The following RNF44 variants were observed in gnomAD, a reference collection of about 807,000 sequenced individuals.
RNF44 encodes ring finger protein 44.
RNF44 carries 25 observed loss-of-function variants against 53.6 expected under a neutral mutation model. The ratio of observed to expected loss-of-function variants is 0.47; its 90% CI spans 0.34 to 0.65. The LOEUF is 0.65. Ranked by LOEUF, RNF44 falls within the 30% of genes least tolerant of loss-of-function variation. The probability of loss-of-function intolerance (pLI) is 0.01; values close to 1 mark genes in which losing one functional copy is unlikely to be tolerated. For synonymous variants in RNF44, 282 were observed against 252.2 expected (o/e 1.12, Z -1.12); for missense variants, 581 against 595.5 (o/e 0.98, Z 0.25).
intron 1 of RNF44, among the ~76,000 whole-genome samples, chr5:176,534,746 C>A (rs1210716351): frequency 6.6e-6 from 1 of 152,236 alleles, no homozygotes; most frequent in Non-Finnish European, 1.5e-5. Flanking sequence ...CCGGCGCCAA[C>A]TTGGTGAGTC....
Position 176,531,923 on chromosome 5 carries a change from A to C in RNF44, c.297+81T>G. On this transcript the variant is annotated intron_variant, in intron 3 of 10. Coordinates refer to ENST00000274811, the MANE Select transcript of RNF44 (RefSeq NM_014901.5). The surrounding 1 kb of genome is among the most constrained non-coding windows in gnomAD (Gnocchi z 4.2). ...CCTGGAACGTGAAATGAAGCAAGCT[A>C]GGTGAAATCTAGGCCTTGCTGCCTC... The C allele has an allele frequency of 1.4e-6, 2 of 1,391,544 alleles. No individual in the cohort carries two copies. The highest frequency in any genetic ancestry group is 9.8e-7 in the Non-Finnish European group (1 of 1,024,592). 86.2% of individuals were successfully genotyped at this position (1,391,544 alleles called of 1,614,324 possible).
intron 2 of RNF44, 82 bp downstream of exon 2, chr5:176,532,284 G>A (rs1164754250): frequency 6.6e-7 from 1 of 1,519,998 alleles, no homozygotes; most frequent in Middle Eastern, 2.3e-4. Flanking sequence ...CCCCCATGGG[G>A]AGGGAAGGCA....
intron 1 of RNF44, among the ~76,000 whole-genome samples, chr5:176,532,731 A>G (rs371673982): frequency 9.0e-6 from 1 of 110,554 alleles, no homozygotes; most frequent in East Asian, 2.8e-4. Context: ...CTGGTGACAG[A>G]GCGAGACTCC....
chr5:176,539,400 C>G (rs1438175956), upstream of RNF44, among the ~76,000 whole-genome samples: 1 of 152,204 alleles, frequency 6.6e-6, no homozygotes, highest in African/African-American at 2.4e-5. Context: ...TTTGAAAACC[C>G]TCCCCATGGC....
At chr5:176,537,909 T>C (rs1035665771), upstream of RNF44, 4 of 152,162 alleles carry the variant, frequency 2.6e-5, no homozygotes, top group Admixed American at 2.6e-4. Flanking sequence ...GCTGACATCA[T>C]GGCCCGGCCG....
chr5:176,538,368 T>G (rs1208875835), upstream of RNF44, among the ~76,000 whole-genome samples: 1 of 152,190 alleles, frequency 6.6e-6, no homozygotes, highest in African/African-American at 2.4e-5. Context: ...CAACTAGAAG[T>G]GTGGCGGAGC....
chr5:176,529,915 C>T (rs1404718407), intron 7 of RNF44, 97 bp from the exon 8 acceptor site: 78 of 1,404,098 alleles, frequency 5.6e-5, no homozygotes, highest in Non-Finnish European at 6.9e-5. Context: ...GAGCCCAGAA[C>T]GTTGCAGCGG....
In RNF44 at chr5:176,530,592, G is replaced by T. The variant is rs1756559078; in HGVS notation, c.791C>A (p.Ser264Tyr). 6.8e-7 allele frequency: 1 copy of T among 1,476,730 alleles called. No homozygotes were observed. Among genetic ancestry groups the T allele is most frequent in the Non-Finnish European group, 8.9e-7 (1 of 1,119,098 alleles). 91.5% of individuals were successfully genotyped at this position (1,476,730 alleles called of 1,614,324 possible). Residue 264 changes from serine to tyrosine, a missense_variant, in exon 6 of 11, where the codon TCC becomes TAC. Physicochemically the swap from Ser to Tyr is moderately radical, Grantham distance 144. This residue lies in a region of RNF44 where 387 missense variants were observed against 366.0 expected (regional missense o/e 1.06). Coordinates refer to ENST00000274811, the MANE Select transcript of RNF44 (RefSeq NM_014901.5). ...LPHDPLHQEL[S>Y]FGVPYSHMMP... ...CGGGGTGGCACTCACCACACCAAAG[G>T]ACAGCTCCTGGTGCAGCGGATCGTG... is the stretch of plus-strand genomic sequence containing the variant.
Position 176,528,775 on chromosome 5 carries a change from C to T in RNF44, c.*253G>A, listed in dbSNP as rs1261069526. The T allele has an allele frequency of 4.0e-5, 23 of 568,578 alleles. No homozygotes were observed. Among genetic ancestry groups the T allele is most frequent in the Middle Eastern group, 4.6e-4 (1 of 2,182 alleles). 35.2% of individuals were successfully genotyped at this position (568,578 alleles called of 1,614,324 possible). ...CCTGAGGGTGCACAGGAGGGAGACCCGATCAGGGACACTCAGGCAGCTCCG... is the reference window on the plus strand; with the variant it reads ...CCTGAGGGTGCACAGGAGGGAGACCTGATCAGGGACACTCAGGCAGCTCCG... On this transcript the variant is annotated 3_prime_UTR_variant, in exon 11 of 11. Coordinates refer to ENST00000274811, the MANE Select transcript of RNF44 (RefSeq NM_014901.5).
rs61169311 is a variant in RNF44, at chr5:176,537,013, A to AGGGGGGGGGGTGGGGGGG, written c.-119_-118insCCCCCCCACCCCCCCCCC. The AGGGGGGGGGGTGGGGGGG allele has an allele frequency of 1.3e-5, 1 of 77,474 alleles. No homozygotes were observed. Among genetic ancestry groups the AGGGGGGGGGGTGGGGGGG allele is most frequent in the East Asian group, 4.5e-4 (1 of 2,244 alleles). 4.8% of individuals were successfully genotyped at this position (77,474 alleles called of 1,614,324 possible). Reference sequence around the variant, plus strand: ...GGCCAAACTGGGCAGGGGGCGGGGGAGGGGGGGGGTGCCTGTCTGGATCCT... The same window carrying AGGGGGGGGGGTGGGGGGG: ...GGCCAAACTGGGCAGGGGGCGGGGGAGGGGGGGGGGTGGGGGGGGGGGGGGGGTGCCTGTCTGGATCCT... On this transcript the variant is annotated 5_prime_UTR_variant, in exon 1 of 11. Coordinates refer to ENST00000274811, the MANE Select transcript of RNF44 (RefSeq NM_014901.5).
chr5:176,533,992 C>T (rs192838593), intron 1 of RNF44, among the ~76,000 whole-genome samples: 3 of 152,338 alleles, frequency 2.0e-5, no homozygotes, highest in East Asian at 3.9e-4. Context: ...GCCAGTGTAA[C>T]TGTCAGCTCA....
rs1756644040 is a variant in RNF44 at position 176,531,402 on chromosome 5, G to A, written c.465+61C>T. The A allele has an allele frequency of 2.7e-6, 4 of 1,494,928 alleles. No homozygotes were observed. The highest frequency in any genetic ancestry group is 3.6e-6 in the Non-Finnish European group (4 of 1,114,540). 92.6% of individuals were successfully genotyped at this position (1,494,928 alleles called of 1,614,324 possible). A position where few individuals can be genotyped will look rare whatever the true frequency, so the allele number is the denominator to read the frequency against. ...TTCAGGGCTGCCCTGGGCCCGCTGAGCCGCTGGCCTGTGCCTGGGGCTTGC... is the reference window on the plus strand; with the variant it reads ...TTCAGGGCTGCCCTGGGCCCGCTGAACCGCTGGCCTGTGCCTGGGGCTTGC... On this transcript the variant is annotated intron_variant, in intron 4 of 10. Transcript: ENST00000274811. This position sits in a 1 kb window ranked among gnomAD's most constrained non-coding sequence, Gnocchi z 4.2.
chr5:176,530,760 CG>C lies in RNF44; in HGVS notation c.640-18del. 6.6e-7 allele frequency: 1 copy of C among 1,517,620 alleles called. No individual in the cohort carries two copies. Among genetic ancestry groups the C allele is most frequent in the Non-Finnish European group, 8.8e-7 (1 of 1,136,100 alleles). The allele number at this position is 1,517,620 out of a possible 1,614,324, so 94.0% of individuals were successfully genotyped here. On this transcript the variant is annotated intron_variant, in intron 5 of 10. Transcript: ENST00000274811. ...CTGGAGGGGCTGGAAGAACCAGCGC[CG>C]GGTCAGCAAGTCAGTGAGACGAGGC...
chr5:176,529,148 G>A, intron 10 of RNF44, 58 bp from the exon 11 acceptor site: 4 of 1,597,526 alleles, frequency 2.5e-6, no homozygotes, highest in African/African-American at 1.3e-5. Flanking sequence ...CCACATCTGT[G>A]CAGCCACCTG....
At chr5:176,542,749 C>T (rs1420390490), upstream of RNF44, 1 of 152,326 alleles carries the variant, frequency 6.6e-6, no homozygotes, top group Non-Finnish European at 1.5e-5. Context: ...GACCCCGCAG[C>T]GTTCCGACAT....
rs1358353368 is a variant in RNF44, at chr5:176,532,763, A to AAAAAAAG, written c.-44-248_-44-247insCTTTTTT. 5.4e-4 allele frequency among the ~76,000 whole-genome samples: 77 copies of AAAAAAAG among 141,934 alleles called. 2 individuals carry two copies. Among genetic ancestry groups the AAAAAAAG allele is most frequent in the African/African-American group, 2.1e-3 (76 of 35,476 alleles). 93.1% of individuals were successfully genotyped at this position (141,934 alleles called of 152,430 possible). ...CTCCCGTCTCAAAAAAAAAAAAAAA[A>AAAAAAAG]AAAGAAAGAAACTGAGGCACAGAGA... On this transcript the variant is annotated intron_variant, in intron 1 of 10. Transcript: ENST00000274811.
At position 176,531,676 on chromosome 5, in the gene RNF44, C is replaced by T. The variant is rs112960485; in HGVS notation, c.298-46G>A. On this transcript the variant is annotated intron_variant, in intron 3 of 10. Transcript: ENST00000274811. This position sits in a 1 kb window ranked among gnomAD's most constrained non-coding sequence, Gnocchi z 4.2. ...GGGAAAGTATGAAAAGGAAGCTGAC[C>T]GCGAGGGCTACTCTCAGGAGAAATC... 4.6e-3 allele frequency: 7,051 copies of T among 1,549,656 alleles called. 20 individuals are homozygous for T. Among genetic ancestry groups the T allele is most frequent in the Non-Finnish European group, 5.8e-3 (6,569 of 1,140,482 alleles).
At chr5:176,543,139 C>G in the RNF44 span, among the ~76,000 whole-genome samples, 3 of 151,126 alleles carry the variant, frequency 2.0e-5, no homozygotes, top group African/African-American at 7.3e-5. The surrounding 1 kb of genome is among the most constrained non-coding windows in gnomAD (Gnocchi z 4.0). Flanking sequence ...CGGGCGCCGG[C>G]AGAGGCCTGG....
Position 176,532,492 on chromosome 5 carries a change from AG to A in RNF44, c.-21del. 1 of 986,278 alleles carries A rather than the reference AG, an allele frequency of 1.0e-6. No homozygotes were observed. 61.1% of individuals were successfully genotyped at this position (986,278 alleles called of 1,614,324 possible). On this transcript the variant is annotated 5_prime_UTR_variant, in exon 2 of 11. Coordinates refer to ENST00000274811, the MANE Select transcript of RNF44 (RefSeq NM_014901.5). The stretch of plus-strand genomic sequence containing the variant: ...TCGCATCGGGGGGGCAGGGGGGTGG[AG>A]GGGCTGGGCCGGGACTCACAACCCT...
Sources: gnomAD v4.1 joint callset for allele counts (sites outside exome capture counted in the v4.1 genomes callset) on GRCh38, gnomAD v4.1.1 for gene constraint, gnomAD v4.1.1 regional missense constraint, Gnocchi (gnomAD v3.1) non-coding constraint, MANE v1.5 for transcripts, NCBI Gene and HGNC (gene_info 2026-07-23, HGNC 2026-07-21) for gene names.